SCAF4: variants seen among roughly 807,000 people sequenced by gnomAD.
SCAF4 encodes the protein SR-related and CTD-associated factor 4.
SCAF4 carries 25 observed loss-of-function variants against 129.8 expected under a neutral mutation model. That is an observed-to-expected ratio of 0.19 (90% confidence interval 0.14 to 0.27). The LOEUF (loss-of-function observed/expected upper bound fraction) is 0.27, where lower values mean the gene tolerates loss of function less well. Ranked by LOEUF, SCAF4 falls within the 10% of genes least tolerant of loss-of-function variation. SCAF4 has a pLI of 1.00. For synonymous variants in SCAF4, 551 were observed against 497.7 expected (o/e 1.11, Z -1.43); for missense variants, 1,246 against 1,457.1 (o/e 0.86, Z 2.36).
At chr21:31,674,687 T>C (rs1290379262) in intron 19 of SCAF4, among the ~76,000 whole-genome samples, 1 of 152,144 alleles carries the variant, frequency 6.6e-6, no homozygotes, top group Non-Finnish European at 1.5e-5. Flanking sequence ...AAACCATCAG[T>C]ATATTGTGAG....
chr21:31,688,060 T>C (rs534766561), intron 16 of SCAF4, among the ~76,000 whole-genome samples: 139 of 119,782 alleles, frequency 1.2e-3, no homozygotes, highest in African/African-American at 4.6e-3. Flanking sequence ...GAAGTTGCAG[T>C]GAGCCAACAT....
rs141403326 is a variant in SCAF4, at chr21:31,726,552, C to T, written c.30+5111G>A. ...TGGTGGCAGAGGTTTGTGGTCCCAG[C>T]TACTTGGGAGGCTGAGACAGGAGGA... On this transcript the variant is annotated intron_variant, in intron 1 of 19. Coordinates refer to ENST00000286835, the MANE Select transcript of SCAF4 (RefSeq NM_020706.2). Among the ~76,000 whole-genome samples, 338 of 152,250 alleles carry T rather than the reference C, an allele frequency of 2.2e-3. 2 individuals are homozygous for T. The highest frequency in any genetic ancestry group is 7.8e-3 in the African/African-American group (323 of 41,552).
chr21:31,672,638 A>C (rs1438073213), intron 19 of SCAF4, among the ~76,000 whole-genome samples: 1 of 152,254 alleles, frequency 6.6e-6, no homozygotes, highest in Non-Finnish European at 1.5e-5. Context: ...AATCTCCTGT[A>C]GCTTTCATTA....
chr21:31,700,757 T>TTA, intron 7 of SCAF4: 1 of 390,542 alleles, frequency 2.6e-6, no homozygotes, highest in Non-Finnish European at 4.6e-6. Context: ...TTTTTTTTTT[T>TTA]CACTTTTTTA....
chr21:31,711,791 A>G (rs1826945777), intron 1 of SCAF4, among the ~76,000 whole-genome samples: 1 of 152,214 alleles, frequency 6.6e-6, no homozygotes, highest in African/African-American at 2.4e-5. Context: ...TATAATTGTT[A>G]TGAGGAGTTG....
At chr21:31,700,544 A>G (rs562834017) in intron 7 of SCAF4, among the ~76,000 whole-genome samples, 15 of 152,198 alleles carry the variant, frequency 9.9e-5, no homozygotes, top group African/African-American at 3.4e-4. Context: ...TAAATCCACT[A>G]TTAACCTTAA....
At chr21:31,692,773 G>A (rs1288457632) in intron 12 of SCAF4, among the ~76,000 whole-genome samples, 1 of 152,140 alleles carries the variant, frequency 6.6e-6, no homozygotes, top group African/African-American at 2.4e-5. Flanking sequence ...AGCAGAACTA[G>A]GATTGGAGCT....
At chr21:31,714,359 C>A (rs923310970) in intron 1 of SCAF4, among the ~76,000 whole-genome samples, 1 of 152,114 alleles carries the variant, frequency 6.6e-6, no homozygotes, top group African/African-American at 2.4e-5. Flanking sequence ...ATAACAACAG[C>A]CCCTCCAAAT....
chr21:31,718,874 C>T (rs1408427010), intron 1 of SCAF4, among the ~76,000 whole-genome samples: 1 of 152,062 alleles, frequency 6.6e-6, no homozygotes, highest in African/African-American at 2.4e-5. Flanking sequence ...CTTCTAGTTC[C>T]GGAATTTAAA....
chr21:31,689,578 C>T (rs1449878686), intron 15 of SCAF4, among the ~76,000 whole-genome samples: 1 of 148,970 alleles, frequency 6.7e-6, no homozygotes, highest in East Asian at 2.1e-4. Flanking sequence ...CCAAAGTGCT[C>T]GGATTACAGG....
chr21:31,710,455 A>T (rs2050772900), intron 1 of SCAF4, among the ~76,000 whole-genome samples: 1 of 152,220 alleles, frequency 6.6e-6, no homozygotes, highest in South Asian at 2.1e-4. Context: ...AGGCTGAGGC[A>T]TGAGAATCTC....
chr21:31,671,145 C>G lies in SCAF4; in HGVS notation c.*254G>C. 2 of 350,614 alleles carry G rather than the reference C, an allele frequency of 5.7e-6. No homozygotes were observed. Among genetic ancestry groups the G allele is most frequent in the Non-Finnish European group, 1.0e-5 (2 of 198,306 alleles). The allele number at this position is 350,614 out of a possible 1,614,324, so 21.7% of individuals were successfully genotyped here. On this transcript the variant is annotated 3_prime_UTR_variant, in exon 20 of 20. Coordinates refer to ENST00000286835, the MANE Select transcript of SCAF4 (RefSeq NM_020706.2). Reference sequence around the variant, plus strand: ...AAAAAATAGAGAGCACTTCTAATTACGATTTGTAAACTTTTTAAAGTCAAA... The same window carrying G: ...AAAAAATAGAGAGCACTTCTAATTAGGATTTGTAAACTTTTTAAAGTCAAA...
At position 31,672,345 on chromosome 21, in the gene SCAF4, C is replaced by G; in HGVS notation, c.2498G>C (p.Gly833Ala). 6.2e-7 allele frequency: 1 copy of G among 1,612,150 alleles called. No individual in the cohort carries two copies. The stretch of plus-strand genomic sequence containing the variant: ...TCCAATTACAGGACCAGGGGCAACT[C>G]CTTGAGTGCCTAAAAGACGACAAAA... ...TQPVSLLGTQ[G>A]VAPGPVIGLQ... Residue 833 changes from glycine (G) to alanine (A), a missense_variant, in exon 20 of 20, where the codon GGA becomes GCA. Physicochemically the swap from Gly to Ala is moderately conservative, Grantham distance 60. Coordinates refer to ENST00000286835, the MANE Select transcript of SCAF4 (RefSeq NM_020706.2).
rs1258181193 is a variant in SCAF4, at chr21:31,732,023, T to TCACACTGGCC, written c.-341_-332dup. 1.1e-4 allele frequency: 50 copies of TCACACTGGCC among 455,022 alleles called. No individual in the cohort carries two copies. The highest frequency in any genetic ancestry group is 8.0e-4 in the African/African-American group (39 of 48,550). The allele number at this position is 455,022 out of a possible 1,614,324, so 28.2% of individuals were successfully genotyped here. A position where few individuals can be genotyped will look rare whatever the true frequency, so the allele number is the denominator to read the frequency against. ...GCCCCCCGCGCCCTCACGCACTGGC[T>TCACACTGGCC]CACACTGGCCCGGCCGGCGAGCGGG... On this transcript the variant is annotated 5_prime_UTR_variant, in exon 1 of 20. Coordinates refer to ENST00000286835, the MANE Select transcript of SCAF4 (RefSeq NM_020706.2).
intron 1 of SCAF4, among the ~76,000 whole-genome samples, chr21:31,717,853 A>T (rs2050960459): frequency 1.5e-5 from 2 of 131,830 alleles, no homozygotes; most frequent in African/African-American, 3.2e-5. Flanking sequence ...ACACACACAC[A>T]CACACACACA....
At chr21:31,709,589 T>C (rs1227685805) in intron 1 of SCAF4, among the ~76,000 whole-genome samples, 1 of 152,140 alleles carries the variant, frequency 6.6e-6, no homozygotes, top group Non-Finnish European at 1.5e-5. Flanking sequence ...ATAGTCTCTA[T>C]TTAAAAAATT....
chr21:31,715,026 T>C (rs1398657143), intron 1 of SCAF4, among the ~76,000 whole-genome samples: 1 of 152,226 alleles, frequency 6.6e-6, no homozygotes, highest in African/African-American at 2.4e-5. Context: ...TTGTATTAGT[T>C]TCCTATTTCT....
At chr21:31,702,842 T>C (rs2050567005) in intron 4 of SCAF4, among the ~76,000 whole-genome samples, 1 of 152,176 alleles carries the variant, frequency 6.6e-6, no homozygotes, top group Non-Finnish European at 1.5e-5. Flanking sequence ...ACAACTTTTA[T>C]CTTTACTCAA....
In SCAF4 at chr21:31,691,972, G is replaced by T. The variant is rs747757255; in HGVS notation, c.1615-42C>A. 3.7e-6 allele frequency: 4 copies of T among 1,092,358 alleles called. No individual in the cohort carries two copies. The South Asian group carries it at 5.6e-5, about 15-fold the overall frequency. 67.7% of individuals were successfully genotyped at this position (1,092,358 alleles called of 1,614,324 possible). On this transcript the variant is annotated intron_variant, in intron 13 of 19. Transcript: ENST00000286835. ...TAATATTATAAAAGATAACAAAATT[G>T]AAAAGCAACAAGATACAACACCAAG...
Sources: allele counts gnomAD v4.1 joint callset (sites outside exome capture counted in the v4.1 genomes callset), GRCh38; gene constraint gnomAD v4.1.1; transcripts MANE v1.5; gene names NCBI Gene and HGNC (gene_info 2026-07-23, HGNC 2026-07-21).